DOCK10: variants seen among roughly 807,000 people sequenced by gnomAD.
DOCK10 encodes the protein dedicator of cytokinesis protein 10.
In DOCK10, 145 loss-of-function variants were observed where a neutral mutation model predicts 280.1. The ratio of observed to expected loss-of-function variants is 0.52; its 90% CI spans 0.45 to 0.59. The LOEUF (loss-of-function observed/expected upper bound fraction) is 0.59, where lower values mean the gene tolerates loss of function less well. DOCK10 is among the 20% of genes least tolerant of loss of function. DOCK10 has a pLI of 0.00. For synonymous variants in DOCK10, 915 were observed against 942.2 expected (o/e 0.97, Z 0.53); for missense variants, 2,368 against 2,651.7 (o/e 0.89, Z 2.35).
At chr2:224,941,162 T>C (rs1045583741) in intron 1 of DOCK10, among the ~76,000 whole-genome samples, 1 of 151,892 alleles carries the variant, frequency 6.6e-6, no homozygotes, top group South Asian at 2.1e-4. Context: ...TCTCACTGAA[T>C]ACCAACATCA....
intron 31 of DOCK10, among the ~76,000 whole-genome samples, chr2:224,808,868 C>T (rs1012846099): frequency 6.6e-5 from 10 of 151,410 alleles, no homozygotes; most frequent in African/African-American, 2.2e-4. Flanking sequence ...GGATACAATA[C>T]AGGACATTGT....
In DOCK10 at chr2:224,805,590, AG is replaced by A; in HGVS notation, c.3815-62del. 1.3e-6 allele frequency: 2 copies of A among 1,599,480 alleles called. No individual in the cohort carries two copies. The highest frequency in any genetic ancestry group is 1.7e-6 in the Non-Finnish European group (2 of 1,172,686). On this transcript the variant is annotated intron_variant, in intron 34 of 55. Coordinates refer to ENST00000258390, the MANE Select transcript of DOCK10 (RefSeq NM_014689.3). This position sits in a 1 kb window ranked among gnomAD's most constrained non-coding sequence, Gnocchi z 4.3. ...AGATGTATGGGCACACACACACAAA[AG>A]GTTCACATGATGAACCAAAAAGATG...
intron 1 of DOCK10, among the ~76,000 whole-genome samples, chr2:224,984,535 TCTCTGTTAGC>T (rs1306110403): frequency 1.3e-5 from 2 of 152,226 alleles, no homozygotes; most frequent in Non-Finnish European, 2.9e-5. Context: ...CTGTCTCCTC[TCTCTGTTAGC>T]CTCTGTTATC....
chr2:224,914,782 G>A (rs1359121066), intron 3 of DOCK10, among the ~76,000 whole-genome samples: 1 of 151,970 alleles, frequency 6.6e-6, no homozygotes, highest in East Asian at 1.9e-4. Flanking sequence ...TAAAATAATA[G>A]AATAAGATAA....
chr2:224,956,019 T>A (rs1446599759), intron 1 of DOCK10, among the ~76,000 whole-genome samples: 3 of 152,176 alleles, frequency 2.0e-5, no homozygotes, highest in South Asian at 2.1e-4. Flanking sequence ...TGTGGGGAGA[T>A]GATGGTACAC....
intron 3 of DOCK10, among the ~76,000 whole-genome samples, chr2:224,906,274 T>G (rs1700627956): frequency 6.6e-6 from 1 of 152,180 alleles, no homozygotes; most frequent in Admixed American, 6.6e-5. Context: ...ACCTGGACTA[T>G]TAAAACAAAT....
At chr2:224,775,878 T>C (rs552037803) in intron 51 of DOCK10, among the ~76,000 whole-genome samples, 131 of 152,382 alleles carry the variant, frequency 8.6e-4, no homozygotes, top group African/African-American at 2.9e-3. Flanking sequence ...GGCCACTGGC[T>C]TTGGGCTTGT....
At chr2:224,851,381 C>G (rs1312665429) in intron 18 of DOCK10, among the ~76,000 whole-genome samples, 1 of 151,056 alleles carries the variant, frequency 6.6e-6, no homozygotes, top group African/African-American at 2.4e-5. Context: ...TTGAATTTTT[C>G]TCTCCTGATG....
At chr2:225,023,156 C>A (rs1388537774) in intron 1 of DOCK10, among the ~76,000 whole-genome samples, 1 of 152,108 alleles carries the variant, frequency 6.6e-6, no homozygotes, top group Non-Finnish European at 1.5e-5. Flanking sequence ...CTGCCTCAGC[C>A]TCCCGAGTAG....
chr2:224,822,754 C>T (rs553761215), intron 28 of DOCK10, among the ~76,000 whole-genome samples: 51 of 152,034 alleles, frequency 3.4e-4, no homozygotes, highest in African/African-American at 1.2e-3. Context: ...AGATAATAAA[C>T]AAAAATGCTA....
chr2:224,809,409 A>T (rs375950433), intron 31 of DOCK10, among the ~76,000 whole-genome samples: 4 of 152,222 alleles, frequency 2.6e-5, no homozygotes, highest in South Asian at 4.2e-4. Context: ...GAAAAAGCAA[A>T]CTACAGATTG....
intron 1 of DOCK10, among the ~76,000 whole-genome samples, chr2:224,964,957 T>C (rs75441552): frequency 0.016 from 2,503 of 152,306 alleles, 67 homozygotes; most frequent in African/African-American, 0.057. Flanking sequence ...TTATTTCTAG[T>C]ATGGATGTCC....
intron 27 of DOCK10, among the ~76,000 whole-genome samples, chr2:224,829,954 G>A (rs924801325): frequency 3.3e-5 from 5 of 152,186 alleles, no homozygotes; most frequent in Non-Finnish European, 7.3e-5. Flanking sequence ...ATGCAAACTT[G>A]GACTGTGGCA....
intron 26 of DOCK10, among the ~76,000 whole-genome samples, chr2:224,831,072 T>G (rs1157726183): frequency 6.6e-6 from 1 of 152,116 alleles, no homozygotes; most frequent in East Asian, 1.9e-4. Flanking sequence ...CAGCTGCGAC[T>G]ACAGATGTGG....
At position 224,794,909 on chromosome 2, in the gene DOCK10, C is replaced by A. The variant is rs369447209; in HGVS notation, c.5124G>T (p.Lys1708Asn). 41 of 1,613,796 alleles carry A rather than the reference C, an allele frequency of 2.5e-5. No individual in the cohort carries two copies. The highest frequency in any genetic ancestry group is 3.2e-5 in the Non-Finnish European group (38 of 1,179,842). Residue 1708 changes from lysine to asparagine, a missense_variant, in exon 45 of 56, where the codon AAG (lysine) becomes AAT (asparagine). Around this residue, in one of 2 missense-constraint regions of DOCK10, gnomAD observed 1,159 missense variants for 1,400.8 expected, o/e 0.83. Coordinates refer to ENST00000258390, the MANE Select transcript of DOCK10 (RefSeq NM_014689.3). ...LRRTWLESMA[K>N]IHARNGDLSE... ...ATAAATCTCCGTTTCTGGCATGAAT[C>A]TTGGCCATACTTTCCAGCCAGGTCC...
intron 1 of DOCK10, among the ~76,000 whole-genome samples, chr2:225,018,440 C>T (rs1276111779): frequency 6.7e-6 from 1 of 149,188 alleles, no homozygotes; most frequent in Non-Finnish European, 1.5e-5. Context: ...CAACAAGTTG[C>T]AGATAAAGGT....
chr2:224,947,744 A>G (rs957679236), intron 1 of DOCK10, among the ~76,000 whole-genome samples: 17 of 152,088 alleles, frequency 1.1e-4, no homozygotes, highest in African/African-American at 4.1e-4. Context: ...TTTCTCCATC[A>G]CAGTCACTGA....
intron 47 of DOCK10, among the ~76,000 whole-genome samples, chr2:224,790,519 T>A (rs868060599): frequency 6.6e-6 from 1 of 152,210 alleles, no homozygotes; most frequent in Non-Finnish European, 1.5e-5. Context: ...TTTTTAATAA[T>A]CAGCTCATTG....
intron 1 of DOCK10, among the ~76,000 whole-genome samples, chr2:225,005,822 T>C (rs189531130): frequency 4.6e-5 from 7 of 152,336 alleles, no homozygotes; most frequent in Non-Finnish European, 1.0e-4. Context: ...GTTTGAAAGA[T>C]AACTGAAACA....
Sources: gnomAD v4.1 joint callset for allele counts (sites outside exome capture counted in the v4.1 genomes callset) on GRCh38, gnomAD v4.1.1 for gene constraint, gnomAD v4.1.1 regional missense constraint, Gnocchi (gnomAD v3.1) non-coding constraint, MANE v1.5 for transcripts, NCBI Gene and HGNC (gene_info 2026-07-23, HGNC 2026-07-21) for gene names.